LRFN5: variants seen among roughly 807,000 people sequenced by gnomAD.
The protein encoded by LRFN5 is leucine-rich repeat and fibronectin type-III domain-containing protein 5.
Under a neutral mutation model 45.6 loss-of-function variants are expected in LRFN5, and 24 were observed. The ratio of observed to expected loss-of-function variants is 0.53; its 90% CI spans 0.38 to 0.74. LRFN5 has a LOEUF of 0.74. Among genes scored for constraint, LRFN5 ranks in the 30% least tolerant of loss-of-function variants. The pLI is 0.00. For synonymous variants in LRFN5, 340 were observed against 313.8 expected (o/e 1.08, Z -0.88); for missense variants, 776 against 861.5 (o/e 0.90, Z 1.24).
chr14:41,858,971 T>C (rs189335201), intron 2 of LRFN5, among the ~76,000 whole-genome samples: 2 of 152,316 alleles, frequency 1.3e-5, no homozygotes, highest in Admixed American at 1.3e-4. Flanking sequence ...TTACTGATTA[T>C]GTGAATTGAG....
chr14:41,747,307 A>C (rs1248425161), intron 1 of LRFN5, among the ~76,000 whole-genome samples: 1 of 149,618 alleles, frequency 6.7e-6, no homozygotes, highest in East Asian at 2.0e-4. Flanking sequence ...ACAGTAATCA[A>C]AGGATTTTGG....
intron 2 of LRFN5, among the ~76,000 whole-genome samples, chr14:41,857,662 AATACAC>A (rs748032976): frequency 9.9e-5 from 15 of 152,238 alleles, no homozygotes; most frequent in Admixed American, 6.5e-5. Flanking sequence ...AAACATGCAT[AATACAC>A]ATACTCTGGA....
At chr14:41,817,034 A>G (rs925502813) in intron 2 of LRFN5, among the ~76,000 whole-genome samples, 1 of 141,570 alleles carries the variant, frequency 7.1e-6, no homozygotes, top group Non-Finnish European at 1.5e-5. Flanking sequence ...CCTCAAGCTC[A>G]GATTCTTTCC....
chr14:41,821,179 C>G (rs1030813319), intron 2 of LRFN5, among the ~76,000 whole-genome samples: 1 of 151,892 alleles, frequency 6.6e-6, no homozygotes, highest in Non-Finnish European at 1.5e-5. Context: ...GCATCTTTGT[C>G]TTATTCCAGT....
intron 2 of LRFN5, among the ~76,000 whole-genome samples, chr14:41,808,646 A>G (rs191823117): frequency 2.0e-5 from 3 of 152,152 alleles, no homozygotes; most frequent in African/African-American, 7.2e-5. Flanking sequence ...AGTGTACCCA[A>G]TTGTGGCCAG....
intron 1 of LRFN5, among the ~76,000 whole-genome samples, chr14:41,640,222 C>T (rs2138596137): frequency 6.6e-6 from 1 of 152,008 alleles, no homozygotes; most frequent in African/African-American, 2.4e-5. Context: ...TCCAAATAAG[C>T]TTTGTCAATA....
In LRFN5 at chr14:41,891,700, A is replaced by C; in HGVS notation, c.1836A>C (p.Gln612His). 1 of 1,614,198 alleles carries C rather than the reference A, an allele frequency of 6.2e-7. No individual in the cohort carries two copies. Among genetic ancestry groups the C allele is most frequent in the Non-Finnish European group, 8.5e-7 (1 of 1,180,032 alleles). Residue 612 changes from glutamine to histidine, a missense_variant, in exon 4 of 6, where the codon CAA (glutamine) becomes CAC (histidine). By Grantham distance (24) the Gln-to-His change is conservative. Around this residue, in one of 2 missense-constraint regions of LRFN5, gnomAD observed 465 missense variants for 456.4 expected, o/e 1.02. Transcript: ENST00000298119. The stretch of plus-strand genomic sequence containing the variant: ...AAGCTACCAGTGACAATGTGATTCA[A>C]TCTTCAGAAACTTGTTCGAGTCAGG... ...CCKATSDNVI[Q>H]SSETCSSQDS... is the part of the protein sequence containing the mutation.
chr14:41,830,621 T>C (rs1393423916), intron 2 of LRFN5, among the ~76,000 whole-genome samples: 1 of 152,114 alleles, frequency 6.6e-6, no homozygotes, highest in Non-Finnish European at 1.5e-5. Flanking sequence ...AAATAGCACT[T>C]GGAGAGTCAG....
intron 2 of LRFN5, among the ~76,000 whole-genome samples, chr14:41,832,157 T>C (rs1373979561): frequency 6.6e-6 from 1 of 152,126 alleles, no homozygotes; most frequent in Admixed American, 6.6e-5. Flanking sequence ...ATGGCAGTCC[T>C]CATCAAGCAT....
intron 1 of LRFN5, among the ~76,000 whole-genome samples, chr14:41,711,766 C>G (rs1380722122): frequency 6.6e-6 from 1 of 152,068 alleles, no homozygotes; most frequent in East Asian, 1.9e-4. Flanking sequence ...TAAAAAAACG[C>G]ATTATGAATA....
rs146498640 is a variant in LRFN5, at chr14:41,737,981, G to A, written c.-196-28873G>A. 9.6e-3 allele frequency among the ~76,000 whole-genome samples: 1,462 copies of A among 151,990 alleles called. 8 individuals are homozygous for A. Among genetic ancestry groups the A allele is most frequent in the East Asian group, 0.014 (73 of 5,160 alleles). ...TCAAGCTACCATTGATATTCTTCAC[G>A]GAATTAGAAAAAACTTTAAATTTCA... is the stretch of plus-strand genomic sequence containing the variant. On this transcript the variant is annotated intron_variant, in intron 1 of 5. Coordinates refer to ENST00000298119, the MANE Select transcript of LRFN5 (RefSeq NM_152447.5).
intron 2 of LRFN5, among the ~76,000 whole-genome samples, chr14:41,815,328 A>G (rs1184146567): frequency 6.6e-6 from 1 of 152,076 alleles, no homozygotes; most frequent in Admixed American, 6.6e-5. Context: ...CTTGGTCTGA[A>G]GTTTACTCTT....
chr14:41,636,684 G>C (rs1221530633), intron 1 of LRFN5, among the ~76,000 whole-genome samples: 1 of 152,064 alleles, frequency 6.6e-6, no homozygotes, highest in African/African-American at 2.4e-5. Flanking sequence ...GGTTTACTGT[G>C]CACTGGTTAC....
chr14:41,782,732 T>C (rs75648908), intron 2 of LRFN5, among the ~76,000 whole-genome samples: 1,661 of 152,276 alleles, frequency 0.011, 14 homozygotes, highest in Non-Finnish European at 0.015. Context: ...CTGTAAATTC[T>C]TTCAGTGTAC....
At position 41,891,726 on chromosome 14, in the gene LRFN5, A is replaced by G; in HGVS notation, c.1862A>G (p.Asp621Gly). Residue 621 changes from aspartate (D) to glycine (G), a missense_variant, in exon 4 of 6, where the codon GAC becomes GGC. Asp to Gly is a moderately conservative substitution (Grantham distance 94). Around this residue, in one of 2 missense-constraint regions of LRFN5, gnomAD observed 465 missense variants for 456.4 expected, o/e 1.02. Transcript: ENST00000298119. ...TCTTCAGAAACTTGTTCGAGTCAGG[A>G]CTCCTCTACCACTACCTCTGCTTTG... ...IQSSETCSSQ[D>G]SSTTTSALPP... The G allele has an allele frequency of 6.2e-7, 1 of 1,614,010 alleles. No homozygotes were observed. Among genetic ancestry groups the G allele is most frequent in the South Asian group, 1.1e-5 (1 of 91,076 alleles).
rs540480502 is a variant in LRFN5, at chr14:41,737,078, T to G, written c.-196-29776T>G. On this transcript the variant is annotated intron_variant, in intron 1 of 5. Transcript: ENST00000298119. ...GAAAATTTCAGGCCAGTATCCCTGA[T>G]GAATATTGATGCCAAAATCCTCAAT... Among the ~76,000 whole-genome samples the G allele has an allele frequency of 2.0e-5, 3 of 152,304 alleles. No individual in the cohort carries two copies. In the East Asian group the frequency reaches 5.8e-4, roughly 29 times the overall value.
At chr14:41,645,888 C>A (rs1879793195) in intron 1 of LRFN5, among the ~76,000 whole-genome samples, 1 of 152,154 alleles carries the variant, frequency 6.6e-6, no homozygotes, top group Non-Finnish European at 1.5e-5. Flanking sequence ...TAAATTGGGG[C>A]AGTTACAAAT....
intron 1 of LRFN5, among the ~76,000 whole-genome samples, chr14:41,707,897 G>T (rs1883132042): frequency 6.6e-6 from 1 of 151,866 alleles, no homozygotes; most frequent in Admixed American, 6.6e-5. Flanking sequence ...GCCCCTAAAT[G>T]ACTAGTTAAT....
intron 1 of LRFN5, among the ~76,000 whole-genome samples, chr14:41,678,835 A>G (rs1373489274): frequency 6.6e-6 from 1 of 152,162 alleles, no homozygotes; most frequent in Non-Finnish European, 1.5e-5. Flanking sequence ...ATATTACTGA[A>G]AGAGTCATTG....
Sources: allele counts gnomAD v4.1 joint callset (sites outside exome capture counted in the v4.1 genomes callset), GRCh38; gene constraint gnomAD v4.1.1; regional missense constraint gnomAD v4.1.1; transcripts MANE v1.5; gene names NCBI Gene and HGNC (gene_info 2026-07-23, HGNC 2026-07-21).